Variants in ELMO1 observed in about 807,000 individuals in gnomAD.
ELMO1 encodes the protein engulfment and cell motility 1.
Under a neutral mutation model 98.9 loss-of-function variants are expected in ELMO1, and 26 were observed. The ratio of observed to expected loss-of-function variants is 0.26; its 90% CI spans 0.19 to 0.36. ELMO1 has a LOEUF of 0.36. ELMO1 is among the 10% of genes least tolerant of loss of function. ELMO1 has a pLI of 1.00. For missense variants in ELMO1, 627 were observed against 935.2 expected (o/e 0.67, Z 4.30); for synonymous variants, 346 against 346.0 (o/e 1.00, Z 0.00).
intron 1 of ELMO1, among the ~76,000 whole-genome samples, chr7:37,368,551 ACT>A (rs1462863131): frequency 6.6e-6 from 1 of 151,874 alleles, no homozygotes; most frequent in East Asian, 1.9e-4. Context: ...ACCGGGAGGG[ACT>A]CTCTTTGGAA....
chr7:37,193,342 A>G (rs112922911), intron 13 of ELMO1, among the ~76,000 whole-genome samples: 184 of 152,202 alleles, frequency 1.2e-3, no homozygotes, highest in African/African-American at 4.1e-3. Flanking sequence ...CTGGCTCTCT[A>G]TGATCTGCCT....
intron 13 of ELMO1, among the ~76,000 whole-genome samples, chr7:37,191,025 T>C (rs888160235): frequency 6.6e-6 from 1 of 151,106 alleles, no homozygotes; most frequent in African/African-American, 2.4e-5. Flanking sequence ...CCATCTCTAC[T>C]AAAAATACAA....
chr7:37,349,349 T>A (rs964774637), intron 1 of ELMO1, among the ~76,000 whole-genome samples: 2 of 152,230 alleles, frequency 1.3e-5, no homozygotes, highest in African/African-American at 4.8e-5. Flanking sequence ...CCCCTTGCAT[T>A]AGGTTAGGCA....
chr7:37,004,791 T>C (rs1792928211), intron 16 of ELMO1, among the ~76,000 whole-genome samples: 1 of 151,808 alleles, frequency 6.6e-6, no homozygotes, highest in South Asian at 2.1e-4. Flanking sequence ...TTTAAACAGG[T>C]TTTTAAATAG....
chr7:37,438,265 A>T (rs1368104354), intron 1 of ELMO1, among the ~76,000 whole-genome samples: 2 of 151,566 alleles, frequency 1.3e-5, no homozygotes. Flanking sequence ...GATTTCAGCA[A>T]GATAGTTTAA....
At chr7:37,203,762 C>T (rs1202946846) in intron 13 of ELMO1, among the ~76,000 whole-genome samples, 6 of 152,076 alleles carry the variant, frequency 3.9e-5, no homozygotes, top group East Asian at 1.9e-4. Context: ...GATAGATGGG[C>T]GAGTCTGCTT....
At chr7:37,222,765 G>T in intron 9 of ELMO1, 72 bp from the exon 10 acceptor site, 1 of 1,432,468 alleles carries the variant, frequency 7.0e-7, no homozygotes, top group Non-Finnish European at 9.6e-7. Context: ...GTCAAACCAT[G>T]AAAAGGCTCA....
chr7:37,330,361 C>T (rs1426205163), intron 2 of ELMO1, among the ~76,000 whole-genome samples: 1 of 152,166 alleles, frequency 6.6e-6, no homozygotes, highest in Non-Finnish European at 1.5e-5. Context: ...CTTCAATTAA[C>T]CAATTCTCTC....
intron 13 of ELMO1, among the ~76,000 whole-genome samples, chr7:37,134,024 C>T (rs1024688503): frequency 3.3e-5 from 5 of 152,146 alleles, no homozygotes; most frequent in Non-Finnish European, 5.9e-5. Context: ...GAATGCTCAA[C>T]GTCAGTAATC....
chr7:37,369,958 A>G (rs1166399712), intron 1 of ELMO1, among the ~76,000 whole-genome samples: 2 of 152,084 alleles, frequency 1.3e-5, no homozygotes, highest in African/African-American at 4.8e-5. Context: ...TCTCTCTTTA[A>G]GTTCCCTTAT....
chr7:37,252,463 A>G (rs573076804), intron 6 of ELMO1, among the ~76,000 whole-genome samples: 67 of 152,310 alleles, frequency 4.4e-4, no homozygotes, highest in African/African-American at 1.5e-3. Context: ...CAAACCTGAT[A>G]AAAACAAGCA....
intron 1 of ELMO1, among the ~76,000 whole-genome samples, chr7:37,436,675 T>C (rs187047728): frequency 6.6e-6 from 1 of 152,302 alleles, no homozygotes; most frequent in African/African-American, 2.4e-5. Context: ...AGCTAGTTGC[T>C]GCCTTTCTGA....
Position 37,445,416 on chromosome 7 carries a change from T to C in ELMO1, c.-74+3259A>G, listed in dbSNP as rs1224341559. Among the ~76,000 whole-genome samples the C allele has an allele frequency of 2.0e-5, 3 of 152,168 alleles. No individual in the cohort carries two copies. In the East Asian group the frequency reaches 5.8e-4, roughly 29 times the overall value. On this transcript the variant is annotated intron_variant, in intron 1 of 21. Coordinates refer to ENST00000310758, the MANE Select transcript of ELMO1 (RefSeq NM_014800.11). The stretch of plus-strand genomic sequence containing the variant: ...CCTTAATTGTATCCACTGTCTTAGA[T>C]CTGGAAGGGAAATGTTACCTCCATA...
chr7:37,265,504 G>A (rs962685162), intron 5 of ELMO1, among the ~76,000 whole-genome samples: 22 of 151,980 alleles, frequency 1.4e-4, no homozygotes, highest in Non-Finnish European at 2.9e-4. Context: ...AGAGTAGCTC[G>A]AAAGTGTTGC....
chr7:37,222,318 T>C (rs1428401063), intron 10 of ELMO1, among the ~76,000 whole-genome samples: 1 of 152,196 alleles, frequency 6.6e-6, no homozygotes, highest in African/African-American at 2.4e-5. Context: ...AGCGTTTTCA[T>C]CTTTTTACAT....
intron 1 of ELMO1, among the ~76,000 whole-genome samples, chr7:37,443,978 C>T (rs1271164761): frequency 1.3e-5 from 2 of 152,204 alleles, no homozygotes; most frequent in East Asian, 3.8e-4. Context: ...GATCACAGCT[C>T]ACTGCAGCCT....
At chr7:36,984,720 G>A (rs747310295) in intron 16 of ELMO1, among the ~76,000 whole-genome samples, 23 of 152,114 alleles carry the variant, frequency 1.5e-4, no homozygotes, top group East Asian at 7.7e-4. Context: ...ATTATTTGAA[G>A]TCAAGTGGAC....
chr7:37,371,120 T>C lies in ELMO1; in HGVS notation c.-73-28357A>G, dbSNP rs914315580. Among the ~76,000 whole-genome samples the C allele has an allele frequency of 2.0e-5, 3 of 152,334 alleles. No individual in the cohort carries two copies. In the East Asian group the frequency reaches 5.8e-4, roughly 29 times the overall value. ...ACATGGGTGAACTACATTCTCATAG[T>C]TGAATCTCAGAAACAATGTTAATAC... On this transcript the variant is annotated intron_variant, in intron 1 of 21. Transcript: ENST00000310758.
chr7:37,279,029 G>A (rs1797001093), intron 4 of ELMO1, among the ~76,000 whole-genome samples: 1 of 151,944 alleles, frequency 6.6e-6, no homozygotes, highest in African/African-American at 2.4e-5. Flanking sequence ...GTGAAACCCG[G>A]TCTCTAATAA....
Sources: allele counts gnomAD v4.1 joint callset (sites outside exome capture counted in the v4.1 genomes callset), GRCh38; gene constraint gnomAD v4.1.1; transcripts MANE v1.5; gene names NCBI Gene and HGNC (gene_info 2026-07-23, HGNC 2026-07-21).